The following UCK2 variants were observed in gnomAD, a reference collection of about 807,000 sequenced individuals.
UCK2 encodes the protein uridine-cytidine kinase 2, also known as cytidine monophosphokinase 2.
UCK2 carries 6 observed loss-of-function variants against 30.8 expected under a neutral mutation model. The observed-to-expected ratio is 0.19, with a 90% confidence interval of 0.11 to 0.38. The LOEUF (loss-of-function observed/expected upper bound fraction) is 0.38. Ranked by LOEUF, UCK2 falls within the 10% of genes least tolerant of loss-of-function variation. The pLI is 1.00. For synonymous variants in UCK2, 125 were observed against 133.6 expected, an observed-to-expected ratio of 0.94 and a Z score of 0.45; for missense variants, 210 against 339.8, an observed-to-expected ratio of 0.62 and a Z score of 3.00.
chr1:165,890,311 C>A lies in UCK2; in HGVS notation c.207C>A (p.Thr69=). The change falls in exon 2 of 7, where the codon ACC becomes ACA. Residue 69 remains threonine, a synonymous_variant. Coordinates refer to ENST00000367879, the MANE Select transcript of UCK2 (RefSeq NM_012474.5). ...LSQDSFYRVL[T]SEQKAKALKG... is the part of the protein sequence containing the mutation. ...AGGATAGCTTCTACCGTGTCCTTAC[C>A]TCGGAGCAGAAGGCCAAAGCCCTGA... 1.9e-6 allele frequency: 3 copies of A among 1,614,086 alleles called. No homozygotes were observed. Among genetic ancestry groups the A allele is most frequent in the Non-Finnish European group, 2.5e-6 (3 of 1,180,020 alleles).
intron 5 of UCK2, chr1:165,904,089 G>A (rs1647570132): frequency 6.6e-6 from 1 of 152,252 alleles, no homozygotes; most frequent in African/African-American, 2.4e-5. Flanking sequence ...GGAAGGGAAG[G>A]AAGAGCTTGG....
At chr1:165,865,326 G>A (rs984438739) in intron 1 of UCK2, among the ~76,000 whole-genome samples, 1 of 152,178 alleles carries the variant, frequency 6.6e-6, no homozygotes, top group Non-Finnish European at 1.5e-5. Context: ...AATTCTTGGT[G>A]CTTGCTGTTG....
At chr1:165,857,206 C>G (rs1253213639) in intron 1 of UCK2, among the ~76,000 whole-genome samples, 1 of 152,152 alleles carries the variant, frequency 6.6e-6, no homozygotes, top group East Asian at 1.9e-4. Flanking sequence ...TGCAGCTAGC[C>G]AGTGGCACAT....
chr1:165,879,537 G>C (rs1655425881), intron 1 of UCK2, among the ~76,000 whole-genome samples: 1 of 74,810 alleles, frequency 1.3e-5, no homozygotes. Context: ...TTCAAAGGAT[G>C]TTTGCTTTTT....
chr1:165,904,463 G>C (rs1318030789), intron 5 of UCK2, among the ~76,000 whole-genome samples: 2 of 152,160 alleles, frequency 1.3e-5, no homozygotes, highest in African/African-American at 4.8e-5. Flanking sequence ...ATCTATCTGA[G>C]GACCTCTCCT....
At position 165,833,361 on chromosome 1, in the gene UCK2, C is replaced by G. The variant is rs12401468; in HGVS notation, c.99+5429C>G. Among the ~76,000 whole-genome samples, 452 of 152,244 alleles carry G rather than the reference C, an allele frequency of 3.0e-3. 12 individuals carry two copies. The highest frequency in any genetic ancestry group is 0.027 in the Admixed American group (413 of 15,296). ...ACTCTTGGCATGGCAGGCTTTCCCC[C>G]AGCCAAGGATGTCCGCATTTGCTGT... On this transcript the variant is annotated intron_variant, in intron 1 of 6. Coordinates refer to ENST00000367879, the MANE Select transcript of UCK2 (RefSeq NM_012474.5).
At chr1:165,899,109 AT>A (rs1647372424) in intron 4 of UCK2, among the ~76,000 whole-genome samples, 1 of 152,048 alleles carries the variant, frequency 6.6e-6, no homozygotes, top group Non-Finnish European at 1.5e-5. Context: ...TAGCTCCATG[AT>A]TTTACCCATC....
At chr1:165,897,566 C>G (rs1647307572) in intron 4 of UCK2, among the ~76,000 whole-genome samples, 1 of 152,166 alleles carries the variant, frequency 6.6e-6, no homozygotes, top group Non-Finnish European at 1.5e-5. Flanking sequence ...AGGTTAGCTC[C>G]TAGTCACAGG....
chr1:165,841,560 G>A (rs1654333095), intron 1 of UCK2, among the ~76,000 whole-genome samples: 1 of 152,300 alleles, frequency 6.6e-6, no homozygotes, highest in East Asian at 1.9e-4. Flanking sequence ...TGAAAGAAAA[G>A]GTCCATGTCT....
At chr1:165,831,764 T>G (rs1194018362) in intron 1 of UCK2, among the ~76,000 whole-genome samples, 2 of 152,060 alleles carry the variant, frequency 1.3e-5, no homozygotes, top group African/African-American at 2.4e-5. Flanking sequence ...TTATTTTTAT[T>G]TTTTATTTTA....
At position 165,871,299 on chromosome 1, in the gene UCK2, C is replaced by T. The variant is rs144694635; in HGVS notation, c.100-18905C>T. ...CGTGTTTTAAAGAAAAATAGTTTAA[C>T]AAATGGCTTTCATCTGGGTTGTACT... On this transcript the variant is annotated intron_variant, in intron 1 of 6. Coordinates refer to ENST00000367879, the MANE Select transcript of UCK2 (RefSeq NM_012474.5). Among the ~76,000 whole-genome samples the T allele has an allele frequency of 5.9e-3, 894 of 152,258 alleles. 3 individuals carry two copies. Among genetic ancestry groups the T allele is most frequent in the Non-Finnish European group, 9.4e-3 (640 of 68,020 alleles).
intron 1 of UCK2, among the ~76,000 whole-genome samples, chr1:165,851,692 G>C (rs6690966): frequency 0.39 from 58,895 of 151,746 alleles, 11,625 homozygotes; most frequent in Middle Eastern, 0.52. Flanking sequence ...ATAGATATAC[G>C]TGTGCCATGG....
At chr1:165,837,113 A>G (rs372932551) in intron 1 of UCK2, among the ~76,000 whole-genome samples, 96 of 152,188 alleles carry the variant, frequency 6.3e-4, no homozygotes, top group African/African-American at 2.1e-3. Flanking sequence ...CCAAGATGCA[A>G]ACACCTCCCA....
intron 1 of UCK2, among the ~76,000 whole-genome samples, chr1:165,878,336 T>G (rs1053077653): frequency 5.5e-5 from 3 of 54,508 alleles, no homozygotes; most frequent in African/African-American, 1.7e-4. Flanking sequence ...TCTTTCTTTC[T>G]TTTTTTTTTT....
At chr1:165,837,021 C>G (rs2101849791) in intron 1 of UCK2, among the ~76,000 whole-genome samples, 2 of 152,158 alleles carry the variant, frequency 1.3e-5, no homozygotes, top group South Asian at 4.2e-4. Context: ...ACAAGAGGTT[C>G]CTTTTATAAG....
chr1:165,885,322 A>C, intron 1 of UCK2: 1 of 398,572 alleles, frequency 2.5e-6, no homozygotes, highest in Non-Finnish European at 4.4e-6. Context: ...GGAAAAAAGA[A>C]GACAAAGTAA....
At chr1:165,837,409 G>A (rs1654222164) in intron 1 of UCK2, among the ~76,000 whole-genome samples, 1 of 152,202 alleles carries the variant, frequency 6.6e-6, no homozygotes, top group South Asian at 2.1e-4. Context: ...TCTTTGGTGG[G>A]GTTCTGAAAG....
chr1:165,893,346 C>G (rs1238367888), intron 3 of UCK2, among the ~76,000 whole-genome samples: 1 of 152,154 alleles, frequency 6.6e-6, no homozygotes, highest in African/African-American at 2.4e-5. Context: ...TATTTTAAAA[C>G]CTTATCCTTT....
intron 1 of UCK2, among the ~76,000 whole-genome samples, chr1:165,871,372 A>C (rs752315893): frequency 1.3e-5 from 2 of 152,132 alleles, no homozygotes; most frequent in Non-Finnish European, 2.9e-5. Context: ...CACAGGCCTG[A>C]TCCCTTAGCA....
Sources: gnomAD v4.1 joint callset for allele counts (sites outside exome capture counted in the v4.1 genomes callset) on GRCh38, gnomAD v4.1.1 for gene constraint, MANE v1.5 for transcripts, NCBI Gene and HGNC (gene_info 2026-07-23, HGNC 2026-07-21) for gene names.